The following SLC18A1 variants were observed in gnomAD, a reference collection of about 807,000 sequenced individuals.
SLC18A1 encodes the protein solute carrier family 18 member A1, also known as chromaffin granule amine transporter.
A neutral mutation model predicts 53.7 loss-of-function variants in SLC18A1; 69 were observed. The ratio of observed to expected loss-of-function variants is 1.28; its 90% confidence interval spans 1.06 to 1.57. The LOEUF is 1.57. Among genes scored for constraint, SLC18A1 ranks in the 40% most tolerant of loss-of-function variants. The probability of loss-of-function intolerance (pLI) is 0.00; values close to 1 mark genes in which losing one functional copy is unlikely to be tolerated. For synonymous variants in SLC18A1, 320 were observed against 248.1 expected (o/e 1.29, Z -2.72); for missense variants, 932 against 668.1 (o/e 1.40, Z -4.35).
At chr8:20,155,454 G>C (rs1391305136) in intron 10 of SLC18A1, among the ~76,000 whole-genome samples, 1 of 152,146 alleles carries the variant, frequency 6.6e-6, no homozygotes, top group Non-Finnish European at 1.5e-5. Context: ...CCTGGAACCA[G>C]CTTCTGCTTT....
intron 10 of SLC18A1, among the ~76,000 whole-genome samples, chr8:20,158,509 G>T (rs568614630): frequency 6.6e-6 from 1 of 152,076 alleles, no homozygotes; most frequent in Non-Finnish European, 1.5e-5. Flanking sequence ...AAGAATGCCC[G>T]TCCCGTTCAA....
intron 5 of SLC18A1, 62 bp from the exon 6 acceptor site, chr8:20,173,190 C>G (rs1255767885): frequency 3.2e-6 from 4 of 1,241,844 alleles, no homozygotes; most frequent in Non-Finnish European, 4.6e-6. Flanking sequence ...CTCTCAGAGC[C>G]CTTGGTCCCA....
intron 10 of SLC18A1, among the ~76,000 whole-genome samples, chr8:20,159,634 CAAAAAAAAAAAA>C (rs200123466): frequency 4.7e-4 from 38 of 81,534 alleles, no homozygotes; most frequent in Non-Finnish European, 8.1e-4. Flanking sequence ...TTGCAGCTGC[CAAAAAAAAAAAA>C]AAAAAAAAAA....
chr8:20,174,709 T>A lies in SLC18A1; in HGVS notation c.548-265A>T, dbSNP rs141109982. Among the ~76,000 whole-genome samples, 880 of 152,246 alleles carry A rather than the reference T, an allele frequency of 5.8e-3. 35 individuals are homozygous for A. Among genetic ancestry groups the A allele is most frequent in the Admixed American group, 0.054 (818 of 15,286 alleles). Reference sequence around the variant, plus strand: ...AGATGGAAGGCTGAGTCTGTACATCTCTTGCCAAGAACCCAACATTCTGTC... The same window carrying A: ...AGATGGAAGGCTGAGTCTGTACATCACTTGCCAAGAACCCAACATTCTGTC... On this transcript the variant is annotated intron_variant, in intron 4 of 15. Coordinates refer to ENST00000276373, the MANE Select transcript of SLC18A1 (RefSeq NM_003053.4).
At chr8:20,159,537 T>C (rs535161813) in intron 10 of SLC18A1, among the ~76,000 whole-genome samples, 1 of 144,088 alleles carries the variant, frequency 6.9e-6, no homozygotes, top group East Asian at 2.1e-4. Context: ...GATCGGGATA[T>C]AAACCCCAGG....
In SLC18A1 at chr8:20,174,246, T is replaced by C; in HGVS notation, c.631+115A>G. 5.0e-6 allele frequency: 4 copies of C among 799,510 alleles called. No individual in the cohort carries two copies. The Admixed American group carries it at 8.1e-5, about 16-fold the overall frequency. The allele number at this position is 799,510 out of a possible 1,614,324, so 49.5% of individuals were successfully genotyped here. A position where few individuals can be genotyped will look rare whatever the true frequency, so the allele number is the denominator to read the frequency against. On this transcript the variant is annotated intron_variant, in intron 5 of 15. Coordinates refer to ENST00000276373, the MANE Select transcript of SLC18A1 (RefSeq NM_003053.4). Reference sequence around the variant, plus strand: ...TTATTTCTGAATCACAATTTCTACCTATCCAGGTGACATTTTCCTTAATTT... The same window carrying C: ...TTATTTCTGAATCACAATTTCTACCCATCCAGGTGACATTTTCCTTAATTT...
rs1461245543 is a variant in SLC18A1 at position 20,150,662 on chromosome 8, A to G, written c.1094+4T>C. 2.5e-6 allele frequency: 4 copies of G among 1,613,718 alleles called. No homozygotes were observed. Among genetic ancestry groups the G allele is most frequent in the South Asian group, 1.1e-5 (1 of 91,080 alleles). ...TGTTCGTCCCAGATCCCGAGGCTAC[A>G]TACCGACCCATCTTGTTGGCCAACA... On this transcript the variant is annotated splice_donor_region_variant and intron_variant, in intron 11 of 15. Coordinates refer to ENST00000276373, the MANE Select transcript of SLC18A1 (RefSeq NM_003053.4).
At chr8:20,153,629 T>C (rs2071614153) in intron 10 of SLC18A1, among the ~76,000 whole-genome samples, 1 of 151,238 alleles carries the variant, frequency 6.6e-6, no homozygotes, top group Non-Finnish European at 1.5e-5. Context: ...AGTGAGCCAC[T>C]GCACTCCAGC....
chr8:20,176,210 C>G (rs2072247398), intron 4 of SLC18A1, among the ~76,000 whole-genome samples: 1 of 152,138 alleles, frequency 6.6e-6, no homozygotes, highest in Non-Finnish European at 1.5e-5. Context: ...TGAGTTCTCA[C>G]TCTACAGTTC....
chr8:20,172,578 G>T (rs968271231), intron 6 of SLC18A1, among the ~76,000 whole-genome samples: 1 of 152,208 alleles, frequency 6.6e-6, no homozygotes, highest in African/African-American at 2.4e-5. Flanking sequence ...GAAAATCGGA[G>T]TCTGTATCCT....
At chr8:20,158,699 G>A (rs532184293) in intron 10 of SLC18A1, among the ~76,000 whole-genome samples, 1 of 152,264 alleles carries the variant, frequency 6.6e-6, no homozygotes, top group Non-Finnish European at 1.5e-5. Flanking sequence ...GACAGTGGAG[G>A]TTAGTGCAAG....
chr8:20,150,980 T>G (rs1563725273), intron 10 of SLC18A1: 2 of 487,794 alleles, frequency 4.1e-6, no homozygotes, highest in Non-Finnish European at 7.5e-6. Flanking sequence ...TTTGTTTTCT[T>G]TCTTTTTTTG....
chr8:20,180,689 G>A lies in SLC18A1; in HGVS notation c.124+152C>T, dbSNP rs1329697553. 7 of 907,054 alleles carry A rather than the reference G, an allele frequency of 7.7e-6. No homozygotes were observed. The East Asian group carries it at 1.8e-4, about 23-fold the overall frequency. 56.2% of individuals were successfully genotyped at this position (907,054 alleles called of 1,614,324 possible). The stretch of plus-strand genomic sequence containing the variant: ...AAGTGTCAGACTCCATTTTCTGCAG[G>A]GCTTTTTTCCAGTCCCCAACAACCT... On this transcript the variant is annotated intron_variant, in intron 2 of 15. Coordinates refer to ENST00000276373, the MANE Select transcript of SLC18A1 (RefSeq NM_003053.4).
At position 20,149,734 on chromosome 8, in the gene SLC18A1, G is replaced by GA. The variant is rs1293584330; in HGVS notation, c.1095-8dup. ...GATTAGGGAACACAGCCACCTGGAA[G>GA]AAAAAAGCCATCATCAAACACCACT... is the stretch of plus-strand genomic sequence containing the variant. On this transcript the variant is annotated splice_region_variant and splice_polypyrimidine_tract_variant and intron_variant, in intron 11 of 15. Coordinates refer to ENST00000276373, the MANE Select transcript of SLC18A1 (RefSeq NM_003053.4). The GA allele has an allele frequency of 1.2e-6, 2 of 1,613,698 alleles. No homozygotes were observed. The highest frequency in any genetic ancestry group is 1.1e-5 in the South Asian group (1 of 91,040).
chr8:20,147,675 G>A lies in SLC18A1; in HGVS notation c.1258C>T (p.Leu420=). The change falls in exon 14 of 16, where the codon CTA becomes TTA. Residue 420 remains leucine, a synonymous_variant. Coordinates refer to ENST00000276373, the MANE Select transcript of SLC18A1 (RefSeq NM_003053.4). ...MMPIMGHLVD[L]RHTSVYGSVY... Reference sequence around the variant, plus strand: ...CTCCCATACACCGAGGTGTGGCGTAGATCCACCAGGTGCCCCATGATGGGC... The same window carrying A: ...CTCCCATACACCGAGGTGTGGCGTAAATCCACCAGGTGCCCCATGATGGGC... 1 of 1,613,974 alleles carries A rather than the reference G, an allele frequency of 6.2e-7. No homozygotes were observed. The highest frequency in any genetic ancestry group is 1.7e-4 in the Middle Eastern group (1 of 6,044).
intron 10 of SLC18A1, among the ~76,000 whole-genome samples, chr8:20,158,226 C>T (rs1404899587): frequency 6.6e-6 from 1 of 152,170 alleles, no homozygotes; most frequent in Non-Finnish European, 1.5e-5. Flanking sequence ...GACAACTGTC[C>T]TCCAGATCTG....
chr8:20,165,641 C>T (rs1272581175), intron 8 of SLC18A1, among the ~76,000 whole-genome samples: 1 of 152,118 alleles, frequency 6.6e-6, no homozygotes, highest in Non-Finnish European at 1.5e-5. Context: ...CCTAAACATC[C>T]AGGACCCACT....
chr8:20,171,373 G>T, intron 7 of SLC18A1, 32 bp downstream of exon 7: 2 of 1,578,804 alleles, frequency 1.3e-6, no homozygotes, highest in Non-Finnish European at 1.7e-6. Context: ...GACCTGGGCT[G>T]TCACCTGCTG....
chr8:20,179,460 T>C lies in SLC18A1; in HGVS notation c.149A>G (p.Tyr50Cys). Residue 50 changes from tyrosine to cysteine, a missense_variant, in exon 3 of 16, where the codon TAT (tyrosine) becomes TGT (cysteine). Tyr to Cys is a radical substitution (Grantham distance 194). Transcript: ENST00000276373. ...GTTGACTTCTTTGAACTCCATGTCA[T>C]ATAGGAAGGTGGGCACAATTGGCAC... The part of the protein sequence containing the change: ...VVVPIVPTFL[Y>C]DMEFKEVNSS... The C allele has an allele frequency of 6.2e-7, 1 of 1,612,186 alleles. No homozygotes were observed. The highest frequency in any genetic ancestry group is 2.2e-5 in the East Asian group (1 of 44,838).
Sources: gnomAD v4.1 joint callset for allele counts (sites outside exome capture counted in the v4.1 genomes callset) on GRCh38, gnomAD v4.1.1 for gene constraint, MANE v1.5 for transcripts, NCBI Gene and HGNC (gene_info 2026-07-23, HGNC 2026-07-21) for gene names.